RPS6KC1: variants seen among roughly 807,000 people sequenced by gnomAD.
RPS6KC1 encodes ribosomal protein S6 kinase C1, also known as inactive ribosomal protein S6 kinase delta-1.
A neutral mutation model predicts 103.8 loss-of-function variants in RPS6KC1; 54 were observed. The observed-to-expected ratio is 0.52, with a 90% CI of 0.42 to 0.65. The LOEUF is 0.65. Ranked by LOEUF, RPS6KC1 falls within the 30% of genes least tolerant of loss-of-function variation. The pLI, the probability that RPS6KC1 is intolerant of heterozygous loss-of-function variation, is 0.00. For missense variants in RPS6KC1, 1,151 were observed against 1,253.8 expected (o/e 0.92, Z 1.24); for synonymous variants, 439 against 438.7 (o/e 1.00, Z -0.01).
At chr1:213,460,831 T>G in the RPS6KC1 span, among the ~76,000 whole-genome samples, 1 of 152,216 alleles carries the variant, frequency 6.6e-6, no homozygotes, top group Non-Finnish European at 1.5e-5. Flanking sequence ...AGGATTTTAT[T>G]TCTCTTTTGC....
chr1:213,630,963 G>A, the RPS6KC1 span, among the ~76,000 whole-genome samples: 4 of 152,184 alleles, frequency 2.6e-5, no homozygotes, highest in African/African-American at 4.8e-5. Context: ...GTACCTGGCC[G>A]TGTGAGGTGT....
At chr1:213,437,342 CTG>C in the RPS6KC1 span, among the ~76,000 whole-genome samples, 2 of 152,020 alleles carry the variant, frequency 1.3e-5, no homozygotes. Flanking sequence ...TAAATTAACA[CTG>C]TATTCTTTGA....
In RPS6KC1 at chr1:213,187,253, T is replaced by C. The variant is rs560393106; in HGVS notation, c.1044+10761T>C. Among the ~76,000 whole-genome samples the C allele has an allele frequency of 1.2e-3, 178 of 148,838 alleles. 1 individual carries two copies. The highest frequency in any genetic ancestry group is 2.2e-3 in the Non-Finnish European group (147 of 66,854). On this transcript the variant is annotated intron_variant, in intron 8 of 14. Transcript: ENST00000366960. ...TTTAAATTTTTTTCTTCTTCTTCTT[T>C]TTTTTTTTTTTTTGAGACAGGATCT... is the stretch of plus-strand genomic sequence containing the variant.
rs372652287 is a variant in RPS6KC1 at position 213,251,051 on chromosome 1, A to G, written c.2911+8393A>G. On this transcript the variant is annotated intron_variant, in intron 12 of 14. Transcript: ENST00000366960. ...CTTTAATTGAACAGGGATAGAAAAA[A>G]CCTTGAGTTATCTCCCAGTCCTGTC... Among the ~76,000 whole-genome samples the G allele has an allele frequency of 2.8e-4, 42 of 149,054 alleles. No individual in the cohort carries two copies. In the East Asian group the frequency reaches 6.9e-3, roughly 25 times the overall value.
the RPS6KC1 span, among the ~76,000 whole-genome samples, chr1:213,610,509 G>T: frequency 6.6e-6 from 1 of 152,166 alleles, no homozygotes; most frequent in South Asian, 2.1e-4. Context: ...CACGAGATCT[G>T]CCTCCACAGA....
chr1:213,703,644 C>T, the RPS6KC1 span, among the ~76,000 whole-genome samples: 5 of 152,038 alleles, frequency 3.3e-5, no homozygotes, highest in Admixed American at 6.5e-5. Flanking sequence ...TTCCTTCAGC[C>T]GTTTAAATAT....
the RPS6KC1 span, among the ~76,000 whole-genome samples, chr1:213,359,781 G>T: frequency 6.6e-6 from 1 of 152,150 alleles, no homozygotes; most frequent in East Asian, 1.9e-4. Context: ...GCATTTGCTT[G>T]TCTTTAAAGT....
At chr1:213,076,259 C>T (rs896870662) in intron 2 of RPS6KC1, among the ~76,000 whole-genome samples, 5 of 152,078 alleles carry the variant, frequency 3.3e-5, no homozygotes, top group Non-Finnish European at 7.4e-5. Context: ...TGCCTAGCCT[C>T]CTAGGATTAT....
chr1:213,844,010 A>G, the RPS6KC1 span, among the ~76,000 whole-genome samples: 4 of 152,230 alleles, frequency 2.6e-5, no homozygotes, highest in East Asian at 1.9e-4. Flanking sequence ...GGAAAAAAAA[A>G]AAGAAGAAGA....
chr1:213,424,606 C>T, the RPS6KC1 span, among the ~76,000 whole-genome samples: 35 of 152,378 alleles, frequency 2.3e-4, 1 homozygote, highest in South Asian at 3.9e-3. Context: ...CGTTAGTGCC[C>T]ATGCTCCCAT....
the RPS6KC1 span, among the ~76,000 whole-genome samples, chr1:213,681,626 G>A: frequency 1.3e-5 from 2 of 152,102 alleles, no homozygotes; most frequent in East Asian, 3.9e-4. Context: ...GCAAGACCTT[G>A]TCTCTACAAA....
At chr1:213,134,715 G>A (rs1194235314) in intron 6 of RPS6KC1, among the ~76,000 whole-genome samples, 1 of 152,068 alleles carries the variant, frequency 6.6e-6, no homozygotes, top group African/African-American at 2.4e-5. Context: ...AAAGGATAAA[G>A]TTTTTGGCTT....
intron 8 of RPS6KC1, among the ~76,000 whole-genome samples, chr1:213,215,975 G>A (rs953906523): frequency 4.1e-4 from 62 of 152,036 alleles, no homozygotes; most frequent in Non-Finnish European, 7.1e-4. Context: ...ATCAACTAAC[G>A]AGCAAAATAA....
chr1:213,589,995 TGA>T, the RPS6KC1 span, among the ~76,000 whole-genome samples: 1 of 148,114 alleles, frequency 6.8e-6, no homozygotes, highest in South Asian at 2.1e-4. Context: ...GGAGCAGCAA[TGA>T]GGGGGAGAAG....
At chr1:213,514,883 C>T in the RPS6KC1 span, among the ~76,000 whole-genome samples, 6 of 152,186 alleles carry the variant, frequency 3.9e-5, no homozygotes, top group Non-Finnish European at 8.8e-5. Context: ...ACATCCTCTC[C>T]AGCACCTGTT....
intron 6 of RPS6KC1, among the ~76,000 whole-genome samples, chr1:213,150,326 A>T (rs796197628): frequency 0.01 from 1,281 of 123,774 alleles, 31 homozygotes; most frequent in East Asian, 0.076. Context: ...TTATTTATTT[A>T]TTTTTTATTG....
chr1:213,460,706 G>A, the RPS6KC1 span, among the ~76,000 whole-genome samples: 2 of 152,268 alleles, frequency 1.3e-5, no homozygotes, highest in African/African-American at 2.4e-5. Context: ...AATTTGGTAT[G>A]TTTTTGCAGT....
At chr1:213,851,780 G>A in the RPS6KC1 span, among the ~76,000 whole-genome samples, 10 of 151,912 alleles carry the variant, frequency 6.6e-5, no homozygotes, top group South Asian at 4.2e-4. Context: ...ATTGCCACAC[G>A]TGACATCACT....
intron 12 of RPS6KC1, among the ~76,000 whole-genome samples, chr1:213,257,243 A>G (rs1009428184): frequency 6.6e-6 from 1 of 152,124 alleles, no homozygotes; most frequent in Non-Finnish European, 1.5e-5. Context: ...TTGAGGATCT[A>G]GGCTACGTTG....
Sources: gnomAD v4.1 joint callset for allele counts (sites outside exome capture counted in the v4.1 genomes callset) on GRCh38, gnomAD v4.1.1 for gene constraint, MANE v1.5 for transcripts, NCBI Gene and HGNC (gene_info 2026-07-23, HGNC 2026-07-21) for gene names.